The following LAPTM4B variants were observed in gnomAD, a reference collection of about 807,000 sequenced individuals.
LAPTM4B encodes the protein lysosomal-associated transmembrane protein 4B.
In LAPTM4B, 26 loss-of-function variants were observed where a neutral mutation model predicts 28.5. That is an observed-to-expected ratio of 0.91 (90% CI 0.67 to 1.27). LAPTM4B has a LOEUF of 1.27. Among genes scored for constraint, LAPTM4B ranks in the 50% most tolerant of loss-of-function variants. The pLI is 0.00. For synonymous variants in LAPTM4B, 109 were observed against 106.4 expected (o/e 1.02, Z -0.15); for missense variants, 288 against 285.8 (o/e 1.01, Z -0.06).
chr8:97,776,836 C>T (rs1425391438), intron 1 of LAPTM4B, among the ~76,000 whole-genome samples: 4 of 152,116 alleles, frequency 2.6e-5, no homozygotes, highest in Non-Finnish European at 5.9e-5. Context: ...TTGACAGACT[C>T]AGCGGGCAAA....
Position 97,852,975 on chromosome 8 carries a change from A to T in LAPTM4B, c.*1501A>T. 2 of 581,888 alleles carry T rather than the reference A, an allele frequency of 3.4e-6. No individual in the cohort carries two copies. The highest frequency in any genetic ancestry group is 5.7e-6 in the Non-Finnish European group (2 of 353,360). 36.0% of individuals were successfully genotyped at this position (581,888 alleles called of 1,614,324 possible). On this transcript the variant is annotated 3_prime_UTR_variant, in exon 7 of 7. Coordinates refer to ENST00000521545, the MANE Select transcript of LAPTM4B (RefSeq NM_018407.6). ...GCCAAACAGAAGTAGAAAAAGGTGT[A>T]GCCGGCATACAAATGTTATCTACAG...
At chr8:97,826,941 G>T (rs1030381648) in intron 6 of LAPTM4B, among the ~76,000 whole-genome samples, 1 of 152,234 alleles carries the variant, frequency 6.6e-6, no homozygotes, top group African/African-American at 2.4e-5. Flanking sequence ...AGCAAGGTTT[G>T]AGATTTTTAA....
chr8:97,792,707 G>A (rs1816522948), intron 1 of LAPTM4B, among the ~76,000 whole-genome samples: 1 of 152,016 alleles, frequency 6.6e-6, no homozygotes, highest in East Asian at 1.9e-4. Context: ...AGCCTCCCAA[G>A]TAGCTGGGAT....
At chr8:97,845,977 C>T (rs868016269) in intron 6 of LAPTM4B, among the ~76,000 whole-genome samples, 2 of 144,134 alleles carry the variant, frequency 1.4e-5, no homozygotes. Context: ...ACTGCAGCCT[C>T]AACTCCTTGG....
At chr8:97,849,647 GTTGCTGGCCAGTT>G (rs1817489261) in intron 6 of LAPTM4B, among the ~76,000 whole-genome samples, 1 of 152,230 alleles carries the variant, frequency 6.6e-6, no homozygotes, top group Non-Finnish European at 1.5e-5. Context: ...TTGCCTGTGT[GTTGCTGGCCAGTT>G]ATCGGCTTCT....
chr8:97,815,220 C>T, intron 2 of LAPTM4B, 108 bp from the exon 3 acceptor site: 1 of 770,508 alleles, frequency 1.3e-6, no homozygotes, highest in South Asian at 1.5e-5. Context: ...TATTTACTAA[C>T]TTTATGCTAG....
At chr8:97,805,135 C>T (rs1244466732) in intron 1 of LAPTM4B, among the ~76,000 whole-genome samples, 1 of 152,146 alleles carries the variant, frequency 6.6e-6, no homozygotes, top group Non-Finnish European at 1.5e-5. Context: ...CACTCCAAGC[C>T]TTGTGCACTT....
At chr8:97,801,188 T>C (rs1433049222) in intron 1 of LAPTM4B, among the ~76,000 whole-genome samples, 1 of 151,774 alleles carries the variant, frequency 6.6e-6, no homozygotes. Context: ...ACTTTTTTTT[T>C]TTTTTTTGAG....
intron 6 of LAPTM4B, among the ~76,000 whole-genome samples, chr8:97,850,330 T>C (rs1346531433): frequency 6.6e-6 from 1 of 151,624 alleles, no homozygotes; most frequent in Non-Finnish European, 1.5e-5. Context: ...CCTCCGTCAC[T>C]CCGCAAACAT....
intron 1 of LAPTM4B, among the ~76,000 whole-genome samples, chr8:97,778,062 G>C (rs781566529): frequency 6.6e-6 from 1 of 152,192 alleles, no homozygotes; most frequent in African/African-American, 2.4e-5. Context: ...TGTGATAAAA[G>C]GAGAGTACTC....
rs559774271 is a variant in LAPTM4B, at chr8:97,818,250, A to C, written c.409-890A>C. Among the ~76,000 whole-genome samples the C allele has an allele frequency of 3.3e-5, 5 of 152,354 alleles. No individual in the cohort carries two copies. The South Asian group carries it at 1.0e-3, about 32-fold the overall frequency. On this transcript the variant is annotated intron_variant, in intron 4 of 6. Coordinates refer to ENST00000521545, the MANE Select transcript of LAPTM4B (RefSeq NM_018407.6). ...GTGTTCACCCTGGTGAGCAGGAGCC[A>C]AGCCCATGAGTCATGGGCCTTCTCC...
chr8:97,799,423 A>C (rs923752854), intron 1 of LAPTM4B, among the ~76,000 whole-genome samples: 1 of 152,354 alleles, frequency 6.6e-6, no homozygotes, highest in Non-Finnish European at 1.5e-5. Flanking sequence ...AAAGCAGATG[A>C]GTCGTTTCAA....
chr8:97,830,892 A>G (rs1208163310), intron 6 of LAPTM4B, among the ~76,000 whole-genome samples: 2 of 152,116 alleles, frequency 1.3e-5, no homozygotes, highest in Non-Finnish European at 2.9e-5. Flanking sequence ...TTGTTGAAGG[A>G]CTGGAAGATA....
At chr8:97,788,903 C>T (rs1430718160) in intron 1 of LAPTM4B, among the ~76,000 whole-genome samples, 4 of 151,754 alleles carry the variant, frequency 2.6e-5, no homozygotes, top group African/African-American at 9.7e-5. Flanking sequence ...ACCATGTTGA[C>T]CAGGTTGGTC....
intron 1 of LAPTM4B, among the ~76,000 whole-genome samples, chr8:97,785,305 G>A (rs981995645): frequency 6.6e-6 from 1 of 151,986 alleles, no homozygotes; most frequent in African/African-American, 2.4e-5. Flanking sequence ...TAGAACTCTT[G>A]ACCTCAGGTG....
chr8:97,807,268 G>A (rs149706521), intron 2 of LAPTM4B, among the ~76,000 whole-genome samples: 22 of 152,148 alleles, frequency 1.4e-4, no homozygotes, highest in African/African-American at 5.3e-4. Flanking sequence ...TGATTTAAAC[G>A]ATAGAAAGTA....
chr8:97,803,724 T>C (rs1239019798), intron 1 of LAPTM4B, among the ~76,000 whole-genome samples: 1 of 152,104 alleles, frequency 6.6e-6, no homozygotes, highest in Non-Finnish European at 1.5e-5. Flanking sequence ...CAGCTCACTG[T>C]AGCCTCAAAC....
chr8:97,808,731 G>A (rs1816788923), intron 2 of LAPTM4B, among the ~76,000 whole-genome samples: 1 of 151,982 alleles, frequency 6.6e-6, no homozygotes, highest in African/African-American at 2.4e-5. Flanking sequence ...GGCGGTGGTG[G>A]GTGGATCACT....
chr8:97,836,264 T>C (rs1485778010), intron 6 of LAPTM4B, among the ~76,000 whole-genome samples: 2 of 152,154 alleles, frequency 1.3e-5, no homozygotes, highest in Non-Finnish European at 2.9e-5. Context: ...CACTGCAACC[T>C]CCACCCCCTG....
Sources: gnomAD v4.1 joint callset for allele counts (sites outside exome capture counted in the v4.1 genomes callset) on GRCh38, gnomAD v4.1.1 for gene constraint, MANE v1.5 for transcripts, NCBI Gene and HGNC (gene_info 2026-07-23, HGNC 2026-07-21) for gene names.